The following ZNF7 variants were observed in gnomAD, a reference collection of about 807,000 sequenced individuals.
ZNF7 encodes the protein C2-H2 type zinc finger protein.
ZNF7 carries 10 observed loss-of-function variants against 12.0 expected under a neutral mutation model. The ratio of observed to expected loss-of-function variants is 0.83; its 90% CI spans 0.51 to 1.42. The LOEUF (loss-of-function observed/expected upper bound fraction) is 1.42, where lower values mean the gene tolerates loss of function less well. Ranked by LOEUF, ZNF7 falls within the 40% of genes most tolerant of loss-of-function variation. The probability of loss-of-function intolerance (pLI) is 0.00; values close to 1 mark genes in which losing one functional copy is unlikely to be tolerated. For missense variants in ZNF7, 854 were observed against 837.2 expected (o/e 1.02, Z -0.25); for synonymous variants, 334 against 295.0 (o/e 1.13, Z -1.35).
At chr8:144,829,454 G>T in intron 2 of ZNF7, 24 bp from the exon 3 acceptor site, 1 of 1,613,764 alleles carries the variant, frequency 6.2e-7, no homozygotes, top group Non-Finnish European at 8.5e-7. Flanking sequence ...GGGATTCCTG[G>T]GGTGCTGGTG....
Position 144,842,094 on chromosome 8 carries a change from A to G in ZNF7, c.987A>G (p.Thr329=), listed in dbSNP as rs767497965. The change falls in exon 5 of 5, where the codon ACA becomes ACG. Residue 329 remains threonine (T), a synonymous_variant. Coordinates refer to ENST00000532777, the MANE Select transcript of ZNF7 (RefSeq NM_003416.4). Reference sequence around the variant, plus strand: ...TCATCCACCATCAGAGAATCCACACAGGAGAGAGGCCCTATGGTTGTCGTG... The same window carrying G: ...TCATCCACCATCAGAGAATCCACACGGGAGAGAGGCCCTATGGTTGTCGTG... ...SSLIHHQRIH[T]GERPYGCREC... 6.2e-7 allele frequency: 1 copy of G among 1,613,948 alleles called. No individual in the cohort carries two copies. The highest frequency in any genetic ancestry group is 8.5e-7 in the Non-Finnish European group (1 of 1,179,986).
chr8:144,837,326 A>G (rs1386517192), intron 3 of ZNF7, 65 bp from the exon 4 acceptor site: 1 of 1,387,602 alleles, frequency 7.2e-7, no homozygotes, highest in Non-Finnish European at 1.0e-6. Flanking sequence ...ACTGGGGAAG[A>G]CTTAGCCCTG....
rs1435318337 is a variant in ZNF7, at chr8:144,843,610, A to T, written c.*442A>T. 1 of 125,792 alleles carries T rather than the reference A, an allele frequency of 7.9e-6. No individual in the cohort carries two copies. The highest frequency in any genetic ancestry group is 2.4e-4 in the East Asian group (1 of 4,250). 7.8% of individuals were successfully genotyped at this position (125,792 alleles called of 1,614,324 possible). A position where few individuals can be genotyped will look rare whatever the true frequency, so the allele number is the denominator to read the frequency against. On this transcript the variant is annotated 3_prime_UTR_variant, in exon 5 of 5. Transcript: ENST00000532777. ...CTCAAAAAAAAAAAAAAAAAAAAAA[A>T]TCCAACTTCATACAAAATGTATGTT...
chr8:144,830,825 C>G, intron 3 of ZNF7: 1 of 407,064 alleles, frequency 2.5e-6, no homozygotes, highest in Non-Finnish European at 5.0e-6. Flanking sequence ...CCTCCGCCTC[C>G]TGGGTTCAAG....
chr8:144,841,734 A>G lies in ZNF7; in HGVS notation c.627A>G (p.Ser209=), dbSNP rs143886586. The G allele has an allele frequency of 4.0e-4, 649 of 1,614,166 alleles. 1 individual carries two copies. In the African/African-American group the frequency reaches 7.8e-3, roughly 20 times the overall value. The change falls in exon 5 of 5, where the codon TCA becomes TCG. Residue 209 remains serine (S), a synonymous_variant. Coordinates refer to ENST00000532777, the MANE Select transcript of ZNF7 (RefSeq NM_003416.4). Reference sequence around the variant, plus strand: ...GTGGCAAAGGCATCAGAGCCACTTCAGATATCGCTCTGCATTGGGAAATTA... The same window carrying G: ...GTGGCAAAGGCATCAGAGCCACTTCGGATATCGCTCTGCATTGGGAAATTA... ...EECGKGIRAT[S]DIALHWEINT...
Position 144,841,457 on chromosome 8 carries a change from C to G in ZNF7, c.350C>G (p.Pro117Arg), listed in dbSNP as rs754432492. ...GTCAGAATCTCCCCACAGGACTTTCCTCAGAATCCTGGCTTTGGAGACGTT... is the reference window on the plus strand; with the variant it reads ...GTCAGAATCTCCCCACAGGACTTTCGTCAGAATCCTGGCTTTGGAGACGTT... ...TVVRISPQDF[P>R]QNPGFGDVSD... The change falls in exon 5 of 5, where the codon CCT becomes CGT. Residue 117 changes from proline to arginine, a missense_variant. Pro to Arg is a moderately radical substitution (Grantham distance 103, BLOSUM62 -2). Coordinates refer to ENST00000532777, the MANE Select transcript of ZNF7 (RefSeq NM_003416.4). 1 of 1,614,230 alleles carries G rather than the reference C, an allele frequency of 6.2e-7. No individual in the cohort carries two copies. The highest frequency in any genetic ancestry group is 8.5e-7 in the Non-Finnish European group (1 of 1,180,042).
chr8:144,830,579 T>C (rs1242350110), intron 3 of ZNF7, among the ~76,000 whole-genome samples: 2 of 152,242 alleles, frequency 1.3e-5, no homozygotes, highest in African/African-American at 4.8e-5. Context: ...TACACATCAT[T>C]ATTTTAAGAA....
At chr8:144,838,213 A>C (rs770769794) in intron 4 of ZNF7, 53 of 694,690 alleles carry the variant, frequency 7.6e-5, no homozygotes, top group Middle Eastern at 2.3e-4. Context: ...GTCTGTGTTC[A>C]TGTGGCCATC....
chr8:144,829,285 T>C (rs1828155855), intron 2 of ZNF7, 193 bp from the exon 3 acceptor site: 1 of 1,531,250 alleles, frequency 6.5e-7, no homozygotes, highest in Non-Finnish European at 8.8e-7. Context: ...GGGGGGAGGG[T>C]TGTATGACCA....
chr8:144,841,960 A>G lies in ZNF7; in HGVS notation c.853A>G (p.Lys285Glu). 1 of 1,614,224 alleles carries G rather than the reference A, an allele frequency of 6.2e-7. No individual in the cohort carries two copies. The highest frequency in any genetic ancestry group is 1.1e-5 in the South Asian group (1 of 91,080). ...EKPFKCTECG[K>E]AFRLSSKLIQ... ...ACCCTTTAAATGCACTGAGTGTGGA[A>G]AAGCCTTCCGCCTGAGCTCAAAACT... The change falls in exon 5 of 5, where the codon AAA becomes GAA. Residue 285 changes from lysine to glutamate, a missense_variant. Transcript: ENST00000532777.
intron 3 of ZNF7, chr8:144,830,850 C>T: frequency 2.3e-6 from 1 of 439,750 alleles, no homozygotes; most frequent in Non-Finnish European, 4.6e-6. Flanking sequence ...TCTCCTGCCT[C>T]AGCCTCCCGA....
chr8:144,829,175 C>A, intron 2 of ZNF7, 85 bp downstream of exon 2: 1 of 1,600,978 alleles, frequency 6.2e-7, no homozygotes, highest in East Asian at 2.3e-5. Context: ...GGCCCAGACC[C>A]TACCTTGGCC....
downstream of ZNF7, chr8:144,847,048 C>T (rs1830550378): frequency 6.6e-6 from 1 of 152,202 alleles, no homozygotes; most frequent in African/African-American, 2.4e-5. Flanking sequence ...ACATCATGTC[C>T]ATGGGGCAGC....
intron 1 of ZNF7, chr8:144,828,836 CCA>C (rs1434810092): frequency 6.4e-6 from 4 of 627,232 alleles, no homozygotes; most frequent in African/African-American, 1.8e-5. Flanking sequence ...GTCACACATG[CCA>C]CACACACATA....
chr8:144,839,476 T>C (rs1358172801), intron 4 of ZNF7, among the ~76,000 whole-genome samples: 4 of 152,238 alleles, frequency 2.6e-5, no homozygotes, highest in African/African-American at 7.2e-5. Context: ...GTCTCCAACA[T>C]GGACAGGAGC....
chr8:144,837,294 C>T, intron 3 of ZNF7, 97 bp from the exon 4 acceptor site: 1 of 1,063,472 alleles, frequency 9.4e-7, no homozygotes, highest in South Asian at 1.6e-5. Flanking sequence ...CTTGTAGCCC[C>T]CCTGCCCCTT....
Position 144,843,326 on chromosome 8 carries a change from A to G in ZNF7, c.*158A>G, listed in dbSNP as rs1461926367. 9.1e-6 allele frequency: 8 copies of G among 876,998 alleles called. No homozygotes were observed. The highest frequency in any genetic ancestry group is 3.4e-5 in the African/African-American group (2 of 58,480). 54.3% of individuals were successfully genotyped at this position (876,998 alleles called of 1,614,324 possible). A position where few individuals can be genotyped will look rare whatever the true frequency, so the allele number is the denominator to read the frequency against. ...AACTTCAGGCCGAGTGTGGTGGCTT[A>G]TGCCTGTCATCCCAGCACTTTGGGA... On this transcript the variant is annotated 3_prime_UTR_variant, in exon 5 of 5. Transcript: ENST00000532777.
At chr8:144,827,927 G>T (rs960387404) in intron 1 of ZNF7, 18 of 153,592 alleles carry the variant, frequency 1.2e-4, no homozygotes, top group African/African-American at 3.6e-4. Flanking sequence ...TCAGGCCTGG[G>T]TCTACTCCCG....
At chr8:144,837,970 T>G in intron 4 of ZNF7, 1 of 672,994 alleles carries the variant, frequency 1.5e-6, no homozygotes, top group Non-Finnish European at 2.7e-6. Flanking sequence ...AACCACAGAC[T>G]AGGAAGCTTA....
Sources: allele counts gnomAD v4.1 joint callset (sites outside exome capture counted in the v4.1 genomes callset), GRCh38; gene constraint gnomAD v4.1.1; transcripts MANE v1.5; gene names NCBI Gene and HGNC (gene_info 2026-07-23, HGNC 2026-07-21).